LMTK2: variants seen among roughly 807,000 people sequenced by gnomAD.
LMTK2 encodes serine/threonine-protein kinase LMTK2.
A neutral mutation model predicts 127.5 loss-of-function variants in LMTK2; 37 were observed. That is an observed-to-expected ratio of 0.29 (90% CI 0.22 to 0.38). The LOEUF is 0.38. Ranked by LOEUF, LMTK2 falls within the 10% of genes least tolerant of loss-of-function variation. The pLI is 1.00. For synonymous variants in LMTK2, 819 were observed against 810.1 expected (o/e 1.01, Z -0.19); for missense variants, 1,694 against 1,920.3 (o/e 0.88, Z 2.20).
chr7:98,137,497 G>A, intron 2 of LMTK2, 55 bp downstream of exon 2: 1 of 1,547,744 alleles, frequency 6.5e-7, no homozygotes, highest in Non-Finnish European at 8.8e-7. Context: ...TTTTTCAATA[G>A]AATAACTGGA....
At chr7:98,162,709 A>C (rs1431616474) in intron 6 of LMTK2, among the ~76,000 whole-genome samples, 1 of 152,224 alleles carries the variant, frequency 6.6e-6, no homozygotes, top group Non-Finnish European at 1.5e-5. Flanking sequence ...TTAAGCCATC[A>C]TTGTTCCTCA....
intron 3 of LMTK2, among the ~76,000 whole-genome samples, chr7:98,149,359 G>A (rs999040575): frequency 1.3e-5 from 2 of 152,186 alleles, no homozygotes; most frequent in Admixed American, 6.5e-5. Flanking sequence ...GGCTCACTTT[G>A]GTTGCTGTAA....
chr7:98,165,288 A>G (rs527259823), intron 6 of LMTK2, among the ~76,000 whole-genome samples: 20 of 152,234 alleles, frequency 1.3e-4, no homozygotes, highest in African/African-American at 4.6e-4. Flanking sequence ...TGTCTTGACA[A>G]CGCTGTGAGA....
intron 6 of LMTK2, among the ~76,000 whole-genome samples, chr7:98,166,953 T>C (rs117486217): frequency 0.012 from 1,848 of 152,320 alleles, 17 homozygotes; most frequent in Admixed American, 0.02. Context: ...AGATAAACTT[T>C]CAAAGAGAAT....
chr7:98,174,913 G>A (rs1193376531), intron 7 of LMTK2, among the ~76,000 whole-genome samples: 2 of 152,192 alleles, frequency 1.3e-5, no homozygotes, highest in Admixed American at 6.5e-5. Flanking sequence ...CGCCCCAGCA[G>A]GAGAGTGGAA....
rs199626689 is a variant in LMTK2 at position 98,193,221 on chromosome 7, C to G, written c.2756C>G (p.Pro919Arg). 1 of 1,613,592 alleles carries G rather than the reference C, an allele frequency of 6.2e-7. No individual in the cohort carries two copies. The highest frequency in any genetic ancestry group is 8.5e-7 in the Non-Finnish European group (1 of 1,180,002). Residue 919 changes from proline (P) to arginine (R), a missense_variant, in exon 11 of 14, where the codon CCG (proline) becomes CGG (arginine). Pro to Arg is a moderately radical substitution (Grantham distance 103, BLOSUM62 -2). Coordinates refer to ENST00000297293, the MANE Select transcript of LMTK2 (RefSeq NM_014916.4). This position sits in a 1 kb window ranked among gnomAD's most constrained non-coding sequence, Gnocchi z 4.1. ...AGGGTGAGTGTAGGGAGTAGTCTCC[C>G]GGAACTGGGACAGGAATTGCACAAT... Reference protein sequence around the residue: ...ASRVSVGSSLPELGQELHNKP... With the variant: ...ASRVSVGSSLRELGQELHNKP...
chr7:98,170,895 A>T (rs1797180391), intron 6 of LMTK2, among the ~76,000 whole-genome samples: 1 of 151,992 alleles, frequency 6.6e-6, no homozygotes, highest in African/African-American at 2.4e-5. Context: ...AAGTTTGTTT[A>T]TTTTCCTGCT....
chr7:98,205,201 T>C (rs2116488013), intron 13 of LMTK2, among the ~76,000 whole-genome samples: 1 of 152,380 alleles, frequency 6.6e-6, no homozygotes, highest in East Asian at 1.9e-4. Context: ...TCTGCCAGTC[T>C]GTCGGGGCAG....
chr7:98,201,484 G>A (rs562271112), intron 11 of LMTK2, among the ~76,000 whole-genome samples: 28 of 152,266 alleles, frequency 1.8e-4, no homozygotes, highest in South Asian at 6.2e-4. Flanking sequence ...TTGGTTTTCC[G>A]ATTTGGGATG....
chr7:98,117,535 A>AT (rs144662863), intron 1 of LMTK2, among the ~76,000 whole-genome samples: 10 of 146,112 alleles, frequency 6.8e-5, no homozygotes, highest in Non-Finnish European at 1.5e-4. Context: ...ACATATCCTC[A>AT]TTTTTTTTTT....
chr7:98,160,485 A>G (rs1211551958), intron 6 of LMTK2, among the ~76,000 whole-genome samples: 1 of 152,228 alleles, frequency 6.6e-6, no homozygotes. Flanking sequence ...CTTTGAGTCA[A>G]CTGTGGCTCT....
At chr7:98,180,551 T>C (rs1468839501) in intron 7 of LMTK2, among the ~76,000 whole-genome samples, 3 of 152,200 alleles carry the variant, frequency 2.0e-5, no homozygotes, top group Non-Finnish European at 4.4e-5. Flanking sequence ...ATTAACTGTT[T>C]CTTAAAATAA....
At chr7:98,167,965 A>G (rs17169418) in intron 6 of LMTK2, among the ~76,000 whole-genome samples, 8,064 of 152,200 alleles carry the variant, frequency 0.053, 630 homozygotes, top group East Asian at 0.36. Context: ...GCCGGTCTCC[A>G]TTAATGCTGG....
intron 6 of LMTK2, among the ~76,000 whole-genome samples, chr7:98,162,886 G>C (rs1277604505): frequency 6.6e-6 from 1 of 152,328 alleles, no homozygotes; most frequent in South Asian, 2.1e-4. Flanking sequence ...GAAGTGGCCA[G>C]GTGTCCATCG....
At chr7:98,149,982 T>C (rs114883198) in intron 3 of LMTK2, among the ~76,000 whole-genome samples, 238 of 152,196 alleles carry the variant, frequency 1.6e-3, no homozygotes, top group African/African-American at 5.5e-3. Context: ...CATAGATATG[T>C]CACCTCAGAA....
chr7:98,157,641 A>C (rs1441121635), intron 5 of LMTK2, among the ~76,000 whole-genome samples: 2 of 45,260 alleles, frequency 4.4e-5, no homozygotes, highest in African/African-American at 6.1e-4. Flanking sequence ...CTCCCACATT[A>C]AAAAAAAAAA....
In LMTK2 at chr7:98,208,755, T is replaced by TC. The variant is rs1342980316; in HGVS notation, c.*3264dup. On this transcript the variant is annotated 3_prime_UTR_variant, in exon 14 of 14. Transcript: ENST00000297293. ...CCTGTGTGTGTGGACGAGAAGCCATTCACCGTAAGGGTGCAGAAAGCTCGA... is the reference window on the plus strand; with the variant it reads ...CCTGTGTGTGTGGACGAGAAGCCATTCCACCGTAAGGGTGCAGAAAGCTCGA... The TC allele has an allele frequency of 6.6e-6, 1 of 152,238 alleles. No individual in the cohort carries two copies. Among genetic ancestry groups the TC allele is most frequent in the Non-Finnish European group, 1.5e-5 (1 of 68,046 alleles). 9.4% of individuals were successfully genotyped at this position (152,238 alleles called of 1,614,324 possible).
At chr7:98,117,532 C>T (rs954007872) in intron 1 of LMTK2, among the ~76,000 whole-genome samples, 4 of 151,840 alleles carry the variant, frequency 2.6e-5, no homozygotes, top group African/African-American at 9.7e-5. Context: ...CTGACATATC[C>T]TCATTTTTTT....
At position 98,107,094 on chromosome 7, in the gene LMTK2, G is replaced by A. The variant is rs958965970; in HGVS notation, c.-84G>A. 1 of 1,066,400 alleles carries A rather than the reference G, an allele frequency of 9.4e-7. No individual in the cohort carries two copies. The highest frequency in any genetic ancestry group is 1.2e-6 in the Non-Finnish European group (1 of 800,684). 66.1% of individuals were successfully genotyped at this position (1,066,400 alleles called of 1,614,324 possible). On this transcript the variant is annotated 5_prime_UTR_variant, in exon 1 of 14. Coordinates refer to ENST00000297293, the MANE Select transcript of LMTK2 (RefSeq NM_014916.4). ...CGCGGGTGCCACTGAGGCAGCGGAGGGAGGCAGGATCGACTGACGGGCGAA... is the reference window on the plus strand; with the variant it reads ...CGCGGGTGCCACTGAGGCAGCGGAGAGAGGCAGGATCGACTGACGGGCGAA...
Sources: gnomAD v4.1 joint callset for allele counts (sites outside exome capture counted in the v4.1 genomes callset) on GRCh38, gnomAD v4.1.1 for gene constraint, Gnocchi (gnomAD v3.1) non-coding constraint, MANE v1.5 for transcripts, NCBI Gene and HGNC (gene_info 2026-07-23, HGNC 2026-07-21) for gene names.